Variants in TMOD3 observed in about 807,000 individuals in gnomAD.
TMOD3 encodes tropomodulin 3.
In TMOD3, 20 loss-of-function variants were observed where a neutral mutation model predicts 39.2. That is an observed-to-expected ratio of 0.51 (90% CI 0.36 to 0.74). The LOEUF is 0.74. TMOD3 is among the 30% of genes least tolerant of loss of function. The pLI, the probability that TMOD3 is intolerant of heterozygous loss-of-function variation, is 0.00. For synonymous variants in TMOD3, 143 were observed against 145.8 expected (o/e 0.98, Z 0.14); for missense variants, 381 against 412.8 (o/e 0.92, Z 0.67).
At chr15:51,870,391 G>C (rs1158025886) in intron 3 of TMOD3, among the ~76,000 whole-genome samples, 3 of 152,208 alleles carry the variant, frequency 2.0e-5, no homozygotes, top group Non-Finnish European at 4.4e-5. Context: ...GAATACTGGG[G>C]AATGGTGGCA....
At position 51,914,316 on chromosome 15, in the gene TMOD3, TTTG is replaced by T. The variant is rs1251411525; in HGVS notation, c.*5515_*5517del. On this transcript the variant is annotated 3_prime_UTR_variant, in exon 10 of 10. Coordinates refer to ENST00000308580, the MANE Select transcript of TMOD3 (RefSeq NM_014547.5). ...AAAACAAAACAAAAAAATGGGTTTT[TTTG>T]TTGTTGTTTTTGTCTTTTACTTAGG... The T allele has an allele frequency of 4.0e-5, 6 of 151,312 alleles. No homozygotes were observed. In the East Asian group the frequency reaches 8.0e-4, roughly 20 times the overall value. 9.4% of individuals were successfully genotyped at this position (151,312 alleles called of 1,614,324 possible).
At chr15:51,848,827 T>C (rs1232381274) in intron 1 of TMOD3, among the ~76,000 whole-genome samples, 1 of 152,242 alleles carries the variant, frequency 6.6e-6, no homozygotes, top group Non-Finnish European at 1.5e-5. Flanking sequence ...CTGAATTTAA[T>C]GCTTACTGTA....
chr15:51,872,600 G>GGTTT, intron 3 of TMOD3, among the ~76,000 whole-genome samples: 1 of 129,892 alleles, frequency 7.7e-6, no homozygotes, highest in Non-Finnish European at 1.6e-5. Flanking sequence ...GACCAAATTT[G>GGTTT]TTTTTTTTTT....
intron 1 of TMOD3, chr15:51,859,842 C>G: frequency 3.8e-6 from 2 of 521,204 alleles, no homozygotes; most frequent in Non-Finnish European, 7.8e-6. Context: ...TATGGCACAG[C>G]AACAACTCAA....
At chr15:51,856,789 G>A (rs2056390032) in intron 1 of TMOD3, among the ~76,000 whole-genome samples, 1 of 152,136 alleles carries the variant, frequency 6.6e-6, no homozygotes, top group South Asian at 2.1e-4. Flanking sequence ...CAAGGATGAG[G>A]AGCAATGTGA....
At chr15:51,837,848 AAGCCCCTT>A (rs1207220233) in intron 1 of TMOD3, among the ~76,000 whole-genome samples, 2 of 152,250 alleles carry the variant, frequency 1.3e-5, no homozygotes, top group East Asian at 3.9e-4. Flanking sequence ...GCACTGCTTT[AAGCCCCTT>A]AGCCTTCCCT....
chr15:51,875,369 T>C (rs958678945), intron 3 of TMOD3: 2 of 152,224 alleles, frequency 1.3e-5, no homozygotes, highest in African/African-American at 4.8e-5. Flanking sequence ...GAAGCTGATA[T>C]TTGAAATGGG....
At chr15:51,902,636 A>G (rs1188055407) in intron 9 of TMOD3, among the ~76,000 whole-genome samples, 1 of 114,898 alleles carries the variant, frequency 8.7e-6, no homozygotes, top group African/African-American at 3.5e-5. Context: ...TGCCCAGCTA[A>G]TTTTTGTATT....
chr15:51,860,354 A>G (rs1566856345), intron 1 of TMOD3: 5 of 541,878 alleles, frequency 9.2e-6, no homozygotes, highest in Non-Finnish European at 1.9e-5. Flanking sequence ...CTTCAGAATA[A>G]TCAGGATTCT....
At chr15:51,860,811 C>G (rs940589709) in intron 1 of TMOD3, 2 of 365,274 alleles carry the variant, frequency 5.5e-6, no homozygotes, top group African/African-American at 4.3e-5. Flanking sequence ...TGGCAGGCGC[C>G]TGTGGTCCCA....
At chr15:51,856,167 G>A (rs2056386755) in intron 1 of TMOD3, among the ~76,000 whole-genome samples, 1 of 152,236 alleles carries the variant, frequency 6.6e-6, no homozygotes, top group African/African-American at 2.4e-5. Flanking sequence ...GTAGGCTGAG[G>A]TGGGAGGATA....
intron 5 of TMOD3, 69 bp from the exon 6 acceptor site, chr15:51,893,746 A>T (rs2056606798): frequency 1.5e-6 from 2 of 1,376,524 alleles, no homozygotes; most frequent in African/African-American, 3.0e-5. Flanking sequence ...GCCTGGGCGA[A>T]AGTGCGAGAC....
intron 3 of TMOD3, among the ~76,000 whole-genome samples, chr15:51,887,111 C>T (rs1245472212): frequency 3.3e-5 from 5 of 151,436 alleles, no homozygotes; most frequent in African/African-American, 1.2e-4. Flanking sequence ...CCCAGCTACT[C>T]AGGAGGCTGA....
chr15:51,843,636 C>T (rs996801663), intron 1 of TMOD3, among the ~76,000 whole-genome samples: 10 of 152,080 alleles, frequency 6.6e-5, no homozygotes, highest in African/African-American at 2.4e-4. Context: ...TTCTCTAGGT[C>T]TTAGAACCTT....
At chr15:51,885,596 C>T (rs534912008) in intron 3 of TMOD3, among the ~76,000 whole-genome samples, 2 of 152,140 alleles carry the variant, frequency 1.3e-5, no homozygotes, top group Non-Finnish European at 2.9e-5. Context: ...TCAGAGAACA[C>T]GGGGTTGGGG....
Position 51,912,470 on chromosome 15 carries a change from A to G in TMOD3, c.*3660A>G, listed in dbSNP as rs1247460338. On this transcript the variant is annotated 3_prime_UTR_variant, in exon 10 of 10. Transcript: ENST00000308580. ...TTTTTTTTTATAAAATGTTACTCAT[A>G]TCATATTGTACGTTATATTTAACTC... 1 of 151,698 alleles carries G rather than the reference A, an allele frequency of 6.6e-6. No individual in the cohort carries two copies. Among genetic ancestry groups the G allele is most frequent in the Non-Finnish European group, 1.5e-5 (1 of 68,002 alleles). 9.4% of individuals were successfully genotyped at this position (151,698 alleles called of 1,614,324 possible).
chr15:51,871,849 A>C (rs1239009564), intron 3 of TMOD3, among the ~76,000 whole-genome samples: 1 of 152,338 alleles, frequency 6.6e-6, no homozygotes, highest in East Asian at 1.9e-4. Context: ...AATAAATGGA[A>C]GTAGTTGAAC....
intron 1 of TMOD3, chr15:51,858,051 T>G (rs2056397165): frequency 6.6e-6 from 1 of 152,098 alleles, no homozygotes; most frequent in Non-Finnish European, 1.5e-5. Context: ...TAAGCTTGCT[T>G]ATTTATTTAT....
intron 3 of TMOD3, among the ~76,000 whole-genome samples, chr15:51,886,943 G>T (rs746463392): frequency 8.5e-5 from 13 of 152,134 alleles, no homozygotes; most frequent in Non-Finnish European, 1.8e-4. Flanking sequence ...TTGGGGCCAG[G>T]TGCGGTAGCT....
Sources: allele counts gnomAD v4.1 joint callset (sites outside exome capture counted in the v4.1 genomes callset), GRCh38; gene constraint gnomAD v4.1.1; transcripts MANE v1.5; gene names NCBI Gene and HGNC (gene_info 2026-07-23, HGNC 2026-07-21).